Variants in MAPRE2 observed in about 807,000 individuals in gnomAD.
MAPRE2 encodes microtubule associated protein RP/EB family member 2, also known as microtubule-associated protein RP/EB family member 2.
MAPRE2 carries 13 observed loss-of-function variants against 43.2 expected under a neutral mutation model. That is an observed-to-expected ratio of 0.30 (90% confidence interval 0.20 to 0.48). The LOEUF (loss-of-function observed/expected upper bound fraction) is 0.48, where lower values mean the gene tolerates loss of function less well. Among genes scored for constraint, MAPRE2 ranks in the 20% least tolerant of loss-of-function variants. The pLI is 0.99. For synonymous variants in MAPRE2, 135 were observed against 148.8 expected (o/e 0.91, Z 0.68); for missense variants, 161 against 400.2 (o/e 0.40, Z 5.10).
chr18:35,028,725 C>T (rs952781367), intron 2 of MAPRE2, among the ~76,000 whole-genome samples: 4 of 152,202 alleles, frequency 2.6e-5, no homozygotes, highest in Admixed American at 2.6e-4. Flanking sequence ...ATAATGTTCA[C>T]TGTGCATGCT....
chr18:35,033,364 AAAT>A (rs1406529849), intron 2 of MAPRE2, among the ~76,000 whole-genome samples: 2 of 151,328 alleles, frequency 1.3e-5, no homozygotes, highest in East Asian at 3.9e-4. Flanking sequence ...ACGTATCTCA[AAAT>A]AATAAGAGCT....
chr18:35,087,766 A>G (rs1907944605), intron 2 of MAPRE2, among the ~76,000 whole-genome samples: 1 of 152,246 alleles, frequency 6.6e-6, no homozygotes. Flanking sequence ...GAGGGAAAAA[A>G]TAAGCCACAA....
intron 4 of MAPRE2, among the ~76,000 whole-genome samples, chr18:35,112,500 C>A (rs1025634386): frequency 3.3e-5 from 5 of 152,058 alleles, no homozygotes; most frequent in African/African-American, 1.2e-4. Context: ...CAACCCCTAC[C>A]CCATATTAGC....
chr18:34,985,047 ATATAT>A lies in MAPRE2; in HGVS notation c.-70+7974_-70+7978del, dbSNP rs1189356520. On this transcript the variant is annotated intron_variant, in intron 1 of 7. Transcript: ENST00000413393. Reference sequence around the variant, plus strand: ...ATATATAAAATATATAATATATAAAATATATTATATAATATATAAAATAAAATATA... The same window carrying A: ...ATATATAAAATATATAATATATAAAATATATAATATATAAAATAAAATATA... Among the ~76,000 whole-genome samples, 126 of 52,580 alleles carry A rather than the reference ATATAT, an allele frequency of 2.4e-3. 6 individuals are homozygous for A. The highest frequency in any genetic ancestry group is 9.1e-3 in the African/African-American group (113 of 12,460). 34.5% of individuals were successfully genotyped at this position (52,580 alleles called of 152,430 possible).
At chr18:35,131,990 T>C in intron 5 of MAPRE2, 42 bp from the exon 6 acceptor site, 1 of 1,600,126 alleles carries the variant, frequency 6.2e-7, no homozygotes, top group South Asian at 1.1e-5. Context: ...TCTTATACTA[T>C]ATTTTGGGTG....
chr18:35,011,840 A>C (rs2097034880), intron 2 of MAPRE2, among the ~76,000 whole-genome samples: 1 of 152,206 alleles, frequency 6.6e-6, no homozygotes, highest in Non-Finnish European at 1.5e-5. Flanking sequence ...ACACACAGTG[A>C]GTGCTTGCTA....
Position 35,013,460 on chromosome 18 carries a change from G to A in MAPRE2, c.-8+7907G>A, listed in dbSNP as rs568952364. 2.6e-5 allele frequency among the ~76,000 whole-genome samples: 4 copies of A among 152,254 alleles called. No homozygotes were observed. In the South Asian group the frequency reaches 8.3e-4, roughly 32 times the overall value. On this transcript the variant is annotated intron_variant, in intron 2 of 7. Transcript: ENST00000413393. ...TGATGTTTTGATATGTATAATGTAA[G>A]TAATTATATCAGGGTACTTAGCATA...
intron 2 of MAPRE2, among the ~76,000 whole-genome samples, chr18:35,011,185 G>A (rs1159641507): frequency 1.3e-5 from 2 of 152,156 alleles, no homozygotes; most frequent in African/African-American, 2.4e-5. Flanking sequence ...ACAGGATGCC[G>A]TGGGAGTCCT....
At chr18:34,998,058 A>C (rs796875465) in intron 1 of MAPRE2, among the ~76,000 whole-genome samples, 5 of 152,282 alleles carry the variant, frequency 3.3e-5, no homozygotes, top group African/African-American at 1.2e-4. Context: ...CTTCACTGGG[A>C]TATTTCCCAG....
At chr18:35,011,752 C>A (rs975247594) in intron 2 of MAPRE2, among the ~76,000 whole-genome samples, 3 of 152,162 alleles carry the variant, frequency 2.0e-5, no homozygotes, top group South Asian at 4.1e-4. Context: ...AGGAAAAAAA[C>A]CACAGTTACT....
intron 4 of MAPRE2, among the ~76,000 whole-genome samples, chr18:35,104,190 T>C (rs1482386340): frequency 2.6e-5 from 4 of 152,032 alleles, no homozygotes; most frequent in African/African-American, 9.7e-5. Context: ...GCCTGAAAAA[T>C]AGGCCAAAGT....
chr18:35,057,540 A>G (rs1906303485), intron 1 of MAPRE2, among the ~76,000 whole-genome samples: 1 of 118,480 alleles, frequency 8.4e-6, no homozygotes, highest in Non-Finnish European at 1.8e-5. Context: ...GTAAACTGAT[A>G]TTTGTCAGGG....
At chr18:35,006,023 A>G (rs1240384378) in intron 2 of MAPRE2, among the ~76,000 whole-genome samples, 1 of 152,086 alleles carries the variant, frequency 6.6e-6, no homozygotes, top group Non-Finnish European at 1.5e-5. Flanking sequence ...GGAAAGCCTC[A>G]TTTTTTTCTG....
chr18:35,082,512 A>G (rs1907691726), intron 2 of MAPRE2, among the ~76,000 whole-genome samples: 1 of 151,786 alleles, frequency 6.6e-6, no homozygotes, highest in Admixed American at 6.6e-5. Flanking sequence ...ATTTCCTCAA[A>G]CGCACGTTTC....
chr18:34,984,361 G>GTT (rs1251171885), intron 1 of MAPRE2: 1 of 152,058 alleles, frequency 6.6e-6, no homozygotes, highest in Non-Finnish European at 1.5e-5. Context: ...AACTTTAAGA[G>GTT]TTATATATAA....
intron 1 of MAPRE2, among the ~76,000 whole-genome samples, chr18:34,993,913 T>C (rs1033715239): frequency 6.6e-6 from 1 of 152,206 alleles, no homozygotes; most frequent in Non-Finnish European, 1.5e-5. Flanking sequence ...TGAATCCTAG[T>C]GTTTTAGAGC....
At chr18:35,045,349 C>G (rs1905567117) in intron 1 of MAPRE2, among the ~76,000 whole-genome samples, 1 of 152,092 alleles carries the variant, frequency 6.6e-6, no homozygotes, top group African/African-American at 2.4e-5. Flanking sequence ...TTTGTATACT[C>G]CAGGCTTTTA....
intron 2 of MAPRE2, among the ~76,000 whole-genome samples, chr18:35,030,345 T>G (rs2150591871): frequency 6.6e-6 from 1 of 152,286 alleles, no homozygotes; most frequent in Non-Finnish European, 1.5e-5. Context: ...CCATCAGCTA[T>G]CTCATCCCTG....
chr18:35,112,953 T>G lies in MAPRE2; in HGVS notation c.610+10794T>G, dbSNP rs568242166. ...GTCCACATACATGGTGCCTTCTCATTGTTTCCTCAGATGGCAGAAGAGGCA... is the reference window on the plus strand; with the variant it reads ...GTCCACATACATGGTGCCTTCTCATGGTTTCCTCAGATGGCAGAAGAGGCA... On this transcript the variant is annotated intron_variant, in intron 4 of 6. Transcript: ENST00000300249. 1.6e-4 allele frequency among the ~76,000 whole-genome samples: 24 copies of G among 152,300 alleles called. 1 individual carries two copies. Among genetic ancestry groups the G allele is most frequent in the Admixed American group, 1.4e-3 (22 of 15,314 alleles).
Sources: gnomAD v4.1 joint callset for allele counts (sites outside exome capture counted in the v4.1 genomes callset) on GRCh38, gnomAD v4.1.1 for gene constraint, MANE v1.5 for transcripts, NCBI Gene and HGNC (gene_info 2026-07-23, HGNC 2026-07-21) for gene names.